Variants in PARP8 observed in about 807,000 individuals in gnomAD.
The protein encoded by PARP8 is protein mono-ADP-ribosyltransferase PARP8.
Under a neutral mutation model 124.1 loss-of-function variants are expected in PARP8, and 51 were observed. The ratio of observed to expected loss-of-function variants is 0.41; its 90% confidence interval spans 0.33 to 0.52. The LOEUF is 0.52. PARP8 is among the 20% of genes least tolerant of loss of function. The pLI is 0.21. For synonymous variants in PARP8, 391 were observed against 361.5 expected (o/e 1.08, Z -0.93); for missense variants, 860 against 1,018.9 (o/e 0.84, Z 2.12).
chr5:50,693,987 T>G (rs1752768456), intron 2 of PARP8, among the ~76,000 whole-genome samples: 1 of 152,162 alleles, frequency 6.6e-6, no homozygotes, highest in Non-Finnish European at 1.5e-5. Flanking sequence ...AGGATTATCC[T>G]AAACCCCTAA....
At chr5:50,675,382 G>A (rs926720492) in intron 2 of PARP8, among the ~76,000 whole-genome samples, 4 of 152,170 alleles carry the variant, frequency 2.6e-5, no homozygotes, top group African/African-American at 9.7e-5. Flanking sequence ...TTGGCTCGCT[G>A]CAACCTCCGC....
chr5:50,822,407 A>G lies in PARP8; in HGVS notation c.1860+7A>G. On this transcript the variant is annotated splice_region_variant and intron_variant, in intron 17 of 25. Transcript: ENST00000281631. ...TATCAGAGAAATGACACAAGTAAGT[A>G]TGTCATCTGGTCTTGTACAGTATAT... The G allele has an allele frequency of 1.3e-6, 2 of 1,590,070 alleles. No homozygotes were observed. The highest frequency in any genetic ancestry group is 1.7e-6 in the Non-Finnish European group (2 of 1,158,376).
intron 2 of PARP8, among the ~76,000 whole-genome samples, chr5:50,747,163 G>GTTTTGTTTTTTT (rs1758658189): frequency 2.1e-5 from 2 of 95,504 alleles, no homozygotes; most frequent in African/African-American, 4.1e-5. Flanking sequence ...TGTTTGTTTT[G>GTTTTGTTTTTTT]TTTTTTTTTT....
Position 50,699,315 on chromosome 5 carries a change from T to C in PARP8, c.146+31190T>C, listed in dbSNP as rs1245505404. On this transcript the variant is annotated intron_variant, in intron 2 of 25. Coordinates refer to ENST00000281631, the MANE Select transcript of PARP8 (RefSeq NM_024615.4). ...TCATTGACTCTTTGGATTTCTCCCT[T>C]GCTACGTAAGTCCGTTCCCTAAAGG... 1.3e-5 allele frequency among the ~76,000 whole-genome samples: 2 copies of C among 152,248 alleles called. 1 individual carries two copies. The highest frequency in any genetic ancestry group is 4.1e-4 in the South Asian group (2 of 4,838).
At chr5:50,828,663 T>C (rs565972324) in intron 21 of PARP8, among the ~76,000 whole-genome samples, 26 of 152,112 alleles carry the variant, frequency 1.7e-4, no homozygotes, top group African/African-American at 6.3e-4. Context: ...GCAGATCGCT[T>C]GAGGCCAGGA....
At chr5:50,776,131 C>T (rs1459140266) in intron 7 of PARP8, among the ~76,000 whole-genome samples, 1 of 152,136 alleles carries the variant, frequency 6.6e-6, no homozygotes, top group Non-Finnish European at 1.5e-5. Flanking sequence ...TGCTTTTTGT[C>T]TGTTGAAAAG....
chr5:50,836,903 T>C (rs1450437073), intron 25 of PARP8, among the ~76,000 whole-genome samples: 1 of 152,176 alleles, frequency 6.6e-6, no homozygotes, highest in Non-Finnish European at 1.5e-5. Flanking sequence ...TTCCTTAGCC[T>C]GTCATCTAAT....
intron 7 of PARP8, among the ~76,000 whole-genome samples, chr5:50,768,554 G>A (rs1761280596): frequency 2.0e-5 from 3 of 152,016 alleles, no homozygotes; most frequent in South Asian, 2.1e-4. Flanking sequence ...AAAAAAATTT[G>A]AATTCATCAA....
chr5:50,700,139 G>T (rs2149473901), intron 2 of PARP8, among the ~76,000 whole-genome samples: 1 of 152,248 alleles, frequency 6.6e-6, no homozygotes, highest in Admixed American at 6.5e-5. Flanking sequence ...ATCATTACTT[G>T]TCCTCTTTCC....
chr5:50,762,070 T>G (rs1410403080), intron 6 of PARP8, among the ~76,000 whole-genome samples, 172 bp downstream of exon 6: 1 of 152,152 alleles, frequency 6.6e-6, no homozygotes. Context: ...TTTTTAGAAA[T>G]TAAGGTTCCC....
intron 14 of PARP8, among the ~76,000 whole-genome samples, chr5:50,812,363 A>C (rs1023631684): frequency 2.0e-5 from 3 of 151,950 alleles, no homozygotes; most frequent in African/African-American, 7.3e-5. Flanking sequence ...GCATTTTTTC[A>C]TGTGTCTGTT....
chr5:50,723,422 A>C (rs1756108851), intron 2 of PARP8, among the ~76,000 whole-genome samples: 1 of 152,090 alleles, frequency 6.6e-6, no homozygotes, highest in Non-Finnish European at 1.5e-5. Flanking sequence ...TGATGATGGC[A>C]ATTACAATAT....
intron 25 of PARP8, among the ~76,000 whole-genome samples, chr5:50,841,360 A>G (rs1186303871): frequency 6.6e-6 from 1 of 151,888 alleles, no homozygotes; most frequent in African/African-American, 2.4e-5. Flanking sequence ...CTTTAGTATT[A>G]TATTTTCCCT....
chr5:50,830,007 A>G, intron 22 of PARP8, 46 bp downstream of exon 22: 1 of 1,587,636 alleles, frequency 6.3e-7, no homozygotes, highest in Non-Finnish European at 8.6e-7. Flanking sequence ...TTAGGTTTTA[A>G]TTTTCTTATT....
At chr5:50,749,122 G>T (rs1459022883) in intron 2 of PARP8, among the ~76,000 whole-genome samples, 2 of 151,966 alleles carry the variant, frequency 1.3e-5, no homozygotes, top group African/African-American at 4.8e-5. Context: ...CTTTTCTCTT[G>T]AAAATAGGTT....
chr5:50,773,087 A>G lies in PARP8; in HGVS notation c.519-4982A>G, dbSNP rs560469768. On this transcript the variant is annotated intron_variant, in intron 7 of 25. Transcript: ENST00000281631. Reference sequence around the variant, plus strand: ...TGAGTTCCTTATATATTCTTGATATAAACCCCTTGTGAGATGCATGGCTTG... The same window carrying G: ...TGAGTTCCTTATATATTCTTGATATGAACCCCTTGTGAGATGCATGGCTTG... Among the ~76,000 whole-genome samples the G allele has an allele frequency of 5.3e-5, 8 of 152,320 alleles. No individual in the cohort carries two copies. The South Asian group carries it at 1.7e-3, about 32-fold the overall frequency.
intron 17 of PARP8, among the ~76,000 whole-genome samples, chr5:50,824,436 TA>T (rs1746115370): frequency 6.6e-6 from 1 of 152,094 alleles, no homozygotes; most frequent in African/African-American, 2.4e-5. Flanking sequence ...CAAAAGGCGC[TA>T]CAAGTAAGTG....
intron 7 of PARP8, among the ~76,000 whole-genome samples, chr5:50,769,239 T>C (rs1761352863): frequency 6.6e-6 from 1 of 152,108 alleles, no homozygotes; most frequent in Non-Finnish European, 1.5e-5. Context: ...TCTGAAAAAC[T>C]ATTTATGGGG....
intron 1 of PARP8, 135 bp downstream of exon 1, chr5:50,667,321 A>C: frequency 4.3e-6 from 4 of 928,710 alleles, no homozygotes; most frequent in Non-Finnish European, 6.7e-6. Flanking sequence ...AGCTGCTGCA[A>C]CGAGCGCGGG....
Sources: gnomAD v4.1 joint callset for allele counts (sites outside exome capture counted in the v4.1 genomes callset) on GRCh38, gnomAD v4.1.1 for gene constraint, MANE v1.5 for transcripts, NCBI Gene and HGNC (gene_info 2026-07-23, HGNC 2026-07-21) for gene names.